The following MTMR2 variants were observed in gnomAD, a reference collection of about 807,000 sequenced individuals.
MTMR2 encodes myotubularin related protein 2.
MTMR2 carries 55 observed loss-of-function variants against 86.9 expected under a neutral mutation model. The observed-to-expected ratio is 0.63, with a 90% CI of 0.51 to 0.79. The LOEUF is 0.79. Ranked by LOEUF, MTMR2 falls within the 30% of genes least tolerant of loss-of-function variation. MTMR2 has a pLI of 0.00. For synonymous variants in MTMR2, 241 were observed against 266.8 expected (o/e 0.90, Z 0.94); for missense variants, 659 against 772.3 (o/e 0.85, Z 1.74).
Position 95,847,779 on chromosome 11 carries a change from G to A in MTMR2, c.1114C>T (p.Pro372Ser), listed in dbSNP as rs1259002116. ...AACCAGTGGGTTTCCTCAATGTTGG[G>A]GTACACAATCTCCTTAAGTTTTCGT... ...SLRKLKEIVY[P>S]NIEETHWLSN... The change falls in exon 10 of 15, where the codon CCC becomes TCC. Residue 372 changes from proline to serine, a missense_variant. Pro to Ser is a moderately conservative substitution (Grantham distance 74, BLOSUM62 -1). Coordinates refer to ENST00000346299, the MANE Select transcript of MTMR2 (RefSeq NM_016156.6). 3 of 1,613,532 alleles carry A rather than the reference G, an allele frequency of 1.9e-6. No homozygotes were observed. Among genetic ancestry groups the A allele is most frequent in the South Asian group, 2.2e-5 (2 of 91,072 alleles).
In MTMR2 at chr11:95,833,340, C is replaced by T. The variant is rs1372988635; in HGVS notation, c.*1950G>A. ...AAAAAGGGAAAAAATTACACCTGCA[C>T]AACCAATAGACATACAAAGTTATGA... On this transcript the variant is annotated 3_prime_UTR_variant, in exon 15 of 15. Coordinates refer to ENST00000346299, the MANE Select transcript of MTMR2 (RefSeq NM_016156.6). 6.6e-6 allele frequency: 1 copy of T among 152,076 alleles called. No individual in the cohort carries two copies. The highest frequency in any genetic ancestry group is 2.4e-5 in the African/African-American group (1 of 41,418). The allele number at this position is 152,076 out of a possible 1,614,324, so 9.4% of individuals were successfully genotyped here.
intron 7 of MTMR2, among the ~76,000 whole-genome samples, chr11:95,851,455 C>T (rs183006797): frequency 1.9e-4 from 29 of 152,076 alleles, no homozygotes; most frequent in Admixed American, 1.4e-3. Context: ...CTCTGCCTCC[C>T]GGGTTCAAGC....
chr11:95,834,860 A>G lies in MTMR2; in HGVS notation c.*430T>C. 4.7e-6 allele frequency: 1 copy of G among 214,468 alleles called. No homozygotes were observed. Among genetic ancestry groups the G allele is most frequent in the Non-Finnish European group, 9.6e-6 (1 of 104,642 alleles). 13.3% of individuals were successfully genotyped at this position (214,468 alleles called of 1,614,324 possible). On this transcript the variant is annotated 3_prime_UTR_variant, in exon 15 of 15. Transcript: ENST00000346299. ...GGATATCAAATGATTTTGATCTGTC[A>G]TGACATCAAGGCCCAATATATGTGA... is the stretch of plus-strand genomic sequence containing the variant.
chr11:95,861,269 T>C (rs1269498537), intron 5 of MTMR2, among the ~76,000 whole-genome samples: 4 of 151,504 alleles, frequency 2.6e-5, no homozygotes, highest in East Asian at 3.9e-4. Flanking sequence ...CTCAGAGCCT[T>C]ATGTTGCTAA....
intron 11 of MTMR2, 31 bp from the exon 12 acceptor site, chr11:95,841,740 TAGG>T (rs747346216): frequency 1.3e-6 from 2 of 1,484,064 alleles, no homozygotes; most frequent in South Asian, 1.1e-5. Context: ...TATATGAACT[TAGG>T]GGGATTTTTC....
At chr11:95,848,455 C>G (rs1471978480) in intron 9 of MTMR2, among the ~76,000 whole-genome samples, 1 of 152,114 alleles carries the variant, frequency 6.6e-6, no homozygotes, top group Non-Finnish European at 1.5e-5. Flanking sequence ...GCACAGAATG[C>G]TATCATCATC....
At chr11:95,913,014 T>C (rs1276816391) in intron 1 of MTMR2, 9 of 152,120 alleles carry the variant, frequency 5.9e-5, no homozygotes, top group South Asian at 2.1e-4. Flanking sequence ...AATAATATCA[T>C]GGATACAAAA....
chr11:95,846,870 A>G (rs1039131987), intron 10 of MTMR2, among the ~76,000 whole-genome samples: 1 of 152,200 alleles, frequency 6.6e-6, no homozygotes, highest in Admixed American at 6.6e-5. Context: ...AAGGGAAACA[A>G]TAGTAAAAAT....
chr11:95,846,457 A>G (rs1463346604), intron 10 of MTMR2, among the ~76,000 whole-genome samples: 1 of 152,186 alleles, frequency 6.6e-6, no homozygotes, highest in Non-Finnish European at 1.5e-5. Flanking sequence ...AACGCTCCAT[A>G]GAAGTTATAG....
chr11:95,916,472 T>C (rs1032406467), intron 1 of MTMR2, among the ~76,000 whole-genome samples: 2 of 152,102 alleles, frequency 1.3e-5, no homozygotes, highest in African/African-American at 4.8e-5. Flanking sequence ...CCAACAATAA[T>C]TTTGGTTCAT....
At chr11:95,894,644 G>C (rs755054022) in intron 1 of MTMR2, among the ~76,000 whole-genome samples, 6 of 152,146 alleles carry the variant, frequency 3.9e-5, no homozygotes, top group African/African-American at 9.7e-5. Context: ...TCTTGGCATT[G>C]CAAATGCAGT....
intron 3 of MTMR2, 185 bp downstream of exon 3, chr11:95,865,416 C>A: frequency 1.6e-6 from 1 of 621,618 alleles, no homozygotes; most frequent in Admixed American, 2.7e-5. Context: ...CAAACACAAA[C>A]ACTAGCAGCG....
intron 5 of MTMR2, among the ~76,000 whole-genome samples, chr11:95,859,408 G>A (rs1472170975): frequency 1.3e-5 from 2 of 152,134 alleles, no homozygotes; most frequent in African/African-American, 4.8e-5. Flanking sequence ...AAAAAAACTG[G>A]GGATTAAGAT....
chr11:95,905,882 G>A (rs1337643510), intron 1 of MTMR2, among the ~76,000 whole-genome samples: 1 of 151,670 alleles, frequency 6.6e-6, no homozygotes, highest in Non-Finnish European at 1.5e-5. Context: ...AACCTACCAA[G>A]CAAATGGAAA....
intron 7 of MTMR2, among the ~76,000 whole-genome samples, chr11:95,855,357 G>A (rs1199141333): frequency 6.6e-6 from 1 of 152,038 alleles, no homozygotes; most frequent in Non-Finnish European, 1.5e-5. Context: ...CCAGGCTCAG[G>A]TGGTCTTCCC....
intron 1 of MTMR2, among the ~76,000 whole-genome samples, chr11:95,909,122 A>T (rs568667404): frequency 3.9e-5 from 6 of 152,078 alleles, no homozygotes; most frequent in African/African-American, 1.4e-4. Flanking sequence ...CCTTTGTTAC[A>T]CTATTCTTAA....
Position 95,855,759 on chromosome 11 carries a change from C to A in MTMR2, c.654+1793G>T, listed in dbSNP as rs535267641. On this transcript the variant is annotated intron_variant, in intron 7 of 14. Transcript: ENST00000346299. ...GTTTACAAAGTGCCTTTCTATATGTCACTAATCCTTCAAACATCCCATAAC... is the reference window on the plus strand; with the variant it reads ...GTTTACAAAGTGCCTTTCTATATGTAACTAATCCTTCAAACATCCCATAAC... Among the ~76,000 whole-genome samples, 203 of 152,174 alleles carry A rather than the reference C, an allele frequency of 1.3e-3. 2 individuals carry two copies. The highest frequency in any genetic ancestry group is 1.8e-3 in the Non-Finnish European group (122 of 68,016).
chr11:95,838,705 A>G (rs542630417), intron 12 of MTMR2, among the ~76,000 whole-genome samples: 5 of 152,132 alleles, frequency 3.3e-5, no homozygotes, highest in East Asian at 3.9e-4. Context: ...TGAAATGGCA[A>G]TTACTTTTGC....
intron 1 of MTMR2, among the ~76,000 whole-genome samples, chr11:95,899,952 A>T (rs1316505964): frequency 2.0e-5 from 3 of 152,162 alleles, no homozygotes; most frequent in African/African-American, 7.2e-5. Flanking sequence ...TCTGAGTAGA[A>T]GTGTCAAATA....
Sources: allele counts gnomAD v4.1 joint callset (sites outside exome capture counted in the v4.1 genomes callset), GRCh38; gene constraint gnomAD v4.1.1; transcripts MANE v1.5; gene names NCBI Gene and HGNC (gene_info 2026-07-23, HGNC 2026-07-21).